RAP1GDS1: variants seen among roughly 807,000 people sequenced by gnomAD.
RAP1GDS1 encodes the protein RAP1, GTP-GDP dissociation stimulator 1.
RAP1GDS1 carries 35 observed loss-of-function variants against 71.1 expected under a neutral mutation model. That is an observed-to-expected ratio of 0.49 (90% CI 0.38 to 0.65). The LOEUF (loss-of-function observed/expected upper bound fraction) is 0.65, where lower values mean the gene tolerates loss of function less well. RAP1GDS1 is among the 30% of genes least tolerant of loss of function. The pLI is 0.00. For missense variants in RAP1GDS1, 663 were observed against 706.1 expected (o/e 0.94, Z 0.69); for synonymous variants, 229 against 243.1 (o/e 0.94, Z 0.54).
intron 7 of RAP1GDS1, among the ~76,000 whole-genome samples, chr4:98,415,294 T>G (rs1747778345): frequency 6.6e-6 from 1 of 152,182 alleles, no homozygotes; most frequent in African/African-American, 2.4e-5. Flanking sequence ...AACACCCATG[T>G]TTTACAATCA....
chr4:98,295,016 G>A (rs1727526279), intron 2 of RAP1GDS1, among the ~76,000 whole-genome samples: 1 of 151,972 alleles, frequency 6.6e-6, no homozygotes, highest in Admixed American at 6.6e-5. Context: ...GACATGAAGG[G>A]TCATATTCTT....
chr4:98,300,184 C>G (rs931269490), intron 2 of RAP1GDS1, among the ~76,000 whole-genome samples: 3 of 152,168 alleles, frequency 2.0e-5, no homozygotes, highest in African/African-American at 7.2e-5. Context: ...GCCACCTAAC[C>G]TTCAGCAACC....
chr4:98,290,515 T>C (rs987332948), intron 1 of RAP1GDS1, among the ~76,000 whole-genome samples: 38 of 152,252 alleles, frequency 2.5e-4, no homozygotes, highest in Middle Eastern at 6.8e-3. Flanking sequence ...TTAGGTCTTA[T>C]GAAAACTCTT....
At chr4:98,347,474 T>G (rs1736459228) in intron 3 of RAP1GDS1, among the ~76,000 whole-genome samples, 1 of 152,234 alleles carries the variant, frequency 6.6e-6, no homozygotes. Context: ...TACCTATTCC[T>G]TAAACCTCTG....
At chr4:98,362,227 C>G (rs1194838504) in intron 4 of RAP1GDS1, among the ~76,000 whole-genome samples, 1 of 152,118 alleles carries the variant, frequency 6.6e-6, no homozygotes, top group Non-Finnish European at 1.5e-5. Context: ...CAGCTGTGAT[C>G]CTAACATTTT....
chr4:98,261,960 A>T (rs571505136), intron 1 of RAP1GDS1, among the ~76,000 whole-genome samples: 169 of 152,340 alleles, frequency 1.1e-3, no homozygotes, highest in Non-Finnish European at 2.0e-3. Flanking sequence ...ACTGAGCTCG[A>T]GGCTCGGGTC....
chr4:98,346,641 T>C (rs1254117248), intron 3 of RAP1GDS1, among the ~76,000 whole-genome samples: 1 of 150,854 alleles, frequency 6.6e-6, no homozygotes, highest in Non-Finnish European at 1.5e-5. Flanking sequence ...ACCTCCCGGG[T>C]TCAAGCAATT....
intron 5 of RAP1GDS1, among the ~76,000 whole-genome samples, chr4:98,382,406 C>G (rs1478616458): frequency 6.6e-6 from 1 of 151,508 alleles, no homozygotes; most frequent in Non-Finnish European, 1.5e-5. Flanking sequence ...GATTCTGTGG[C>G]TCATGAAAAT....
chr4:98,382,963 C>T (rs1742220186), intron 5 of RAP1GDS1, among the ~76,000 whole-genome samples: 1 of 151,552 alleles, frequency 6.6e-6, no homozygotes, highest in African/African-American at 2.4e-5. Flanking sequence ...AAAAATTTCC[C>T]ATAGGTGATC....
intron 14 of RAP1GDS1, chr4:98,441,308 T>A (rs1252019673): frequency 1.0e-6 from 1 of 970,462 alleles, no homozygotes; most frequent in South Asian, 4.8e-5. Flanking sequence ...TCCTATATTT[T>A]CTTGTAATTG....
At chr4:98,369,866 A>C (rs1355740620) in intron 4 of RAP1GDS1, among the ~76,000 whole-genome samples, 1 of 152,192 alleles carries the variant, frequency 6.6e-6, no homozygotes, top group Non-Finnish European at 1.5e-5. Context: ...AATAGAGCTA[A>C]TAAGGAAGGG....
chr4:98,392,052 T>C lies in RAP1GDS1; in HGVS notation c.609T>C (p.Leu203=), dbSNP rs753322035. The C allele has an allele frequency of 6.2e-7, 1 of 1,612,726 alleles. No individual in the cohort carries two copies. Among genetic ancestry groups the C allele is most frequent in the Non-Finnish European group, 8.5e-7 (1 of 1,179,328 alleles). The change falls in exon 6 of 15, where the codon CTT becomes CTC. Residue 203 remains leucine, a synonymous_variant. Transcript: ENST00000408927. ...CQNAALTEMC[L]VAFGNLAELE... is the part of the protein sequence containing the mutation. ...ATGCAGCTCTTACAGAAATGTGTCTTGTTGCATTTGGTAATTTAGCAGAAC... is the reference window on the plus strand; with the variant it reads ...ATGCAGCTCTTACAGAAATGTGTCTCGTTGCATTTGGTAATTTAGCAGAAC...
At chr4:98,437,941 T>C (rs1475909442) in intron 14 of RAP1GDS1, among the ~76,000 whole-genome samples, 1 of 152,208 alleles carries the variant, frequency 6.6e-6, no homozygotes, top group Non-Finnish European at 1.5e-5. Context: ...AATTTGATTC[T>C]GTTGGTACTA....
chr4:98,363,569 G>A (rs17027499), intron 4 of RAP1GDS1, among the ~76,000 whole-genome samples: 3,251 of 151,520 alleles, frequency 0.021, 109 homozygotes, highest in African/African-American at 0.075. Context: ...AGGAAACCAG[G>A]TTATGCAAGA....
intron 1 of RAP1GDS1, among the ~76,000 whole-genome samples, chr4:98,286,815 GGT>G (rs1221490243): frequency 6.6e-6 from 1 of 150,854 alleles, no homozygotes; most frequent in Non-Finnish European, 1.5e-5. Flanking sequence ...GAAACCAGGA[GGT>G]GGAGGTTGTA....
chr4:98,280,945 C>T (rs1724988824), intron 1 of RAP1GDS1, among the ~76,000 whole-genome samples: 1 of 152,062 alleles, frequency 6.6e-6, no homozygotes, highest in Non-Finnish European at 1.5e-5. Context: ...TTTCTGAGGC[C>T]TCTGTTCTGT....
Position 98,417,328 on chromosome 4 carries a change from T to C in RAP1GDS1, c.908-39T>C, listed in dbSNP as rs777178104. The C allele has an allele frequency of 2.5e-6, 4 of 1,581,274 alleles. No homozygotes were observed. In the South Asian group the frequency reaches 3.4e-5, roughly 13 times the overall value. ...AATGTGAATTTGTTACTCCTAGTTA[T>C]TTTTCTCTTGCTTAACTATTCGTTT... On this transcript the variant is annotated intron_variant, in intron 8 of 14. Coordinates refer to ENST00000408927, the MANE Select transcript of RAP1GDS1 (RefSeq NM_001100427.2).
At chr4:98,440,198 T>G (rs1022924442) in intron 14 of RAP1GDS1, among the ~76,000 whole-genome samples, 1 of 152,242 alleles carries the variant, frequency 6.6e-6, no homozygotes, top group Non-Finnish European at 1.5e-5. Context: ...TTCCATCATA[T>G]GTATATATCA....
intron 4 of RAP1GDS1, among the ~76,000 whole-genome samples, chr4:98,378,654 T>G (rs77687856): frequency 2.6e-5 from 4 of 151,746 alleles, no homozygotes; most frequent in African/African-American, 9.7e-5. Flanking sequence ...AAAACTTATA[T>G]CAATAGAATA....
Sources: allele counts gnomAD v4.1 joint callset (sites outside exome capture counted in the v4.1 genomes callset), GRCh38; gene constraint gnomAD v4.1.1; transcripts MANE v1.5; gene names NCBI Gene and HGNC (gene_info 2026-07-23, HGNC 2026-07-21).